Variants in NDRG4 observed in about 807,000 individuals in gnomAD.
NDRG4 encodes NDRG family member 4, also known as protein NDRG4.
A neutral mutation model predicts 55.8 loss-of-function variants in NDRG4; 38 were observed. The ratio of observed to expected loss-of-function variants is 0.68; its 90% CI spans 0.53 to 0.89. The LOEUF (loss-of-function observed/expected upper bound fraction) is 0.89, where lower values mean the gene tolerates loss of function less well. NDRG4 is among the 40% of genes least tolerant of loss of function. The pLI is 0.00. For missense variants in NDRG4, 455 were observed against 468.6 expected (o/e 0.97, Z 0.27); for synonymous variants, 190 against 182.7 (o/e 1.04, Z -0.32).
intron 1 of NDRG4, among the ~76,000 whole-genome samples, chr16:58,485,687 A>G (rs2035007037): frequency 6.6e-6 from 1 of 152,144 alleles, no homozygotes; most frequent in African/African-American, 2.4e-5. Flanking sequence ...CCTTTCTAAA[A>G]ATACAGCCCA....
intron 1 of NDRG4, among the ~76,000 whole-genome samples, chr16:58,483,110 C>T (rs915790429): frequency 6.6e-6 from 1 of 152,114 alleles, no homozygotes; most frequent in Non-Finnish European, 1.5e-5. Flanking sequence ...CAAACACCCC[C>T]ACCATCTCCT....
upstream of NDRG4, among the ~76,000 whole-genome samples, chr16:58,495,784 G>A (rs193074336): frequency 4.5e-3 from 686 of 152,350 alleles, 11 homozygotes; most frequent in African/African-American, 0.016. Context: ...GACGAGAGGG[G>A]AGACTTCAGG....
chr16:58,481,368 G>A (rs758474934), intron 1 of NDRG4, among the ~76,000 whole-genome samples: 3 of 152,170 alleles, frequency 2.0e-5, no homozygotes, highest in Admixed American at 6.5e-5. Flanking sequence ...GGGAGGATGC[G>A]CCTACTGAGT....
upstream of NDRG4, chr16:58,500,122 G>A (rs1402086700): frequency 6.5e-7 from 1 of 1,532,720 alleles, no homozygotes; most frequent in Non-Finnish European, 8.7e-7. Context: ...TGTATAAATG[G>A]CCCAGGAGCT....
intron 2 of NDRG4, 78 bp from the exon 3 acceptor site, chr16:58,504,076 C>A: frequency 6.2e-7 from 1 of 1,600,768 alleles, no homozygotes; most frequent in Admixed American, 1.7e-5. Flanking sequence ...TTCTGCCTTG[C>A]CTGCCCTCTG....
At chr16:58,468,216 C>T (rs1242831592) in intron 1 of NDRG4, among the ~76,000 whole-genome samples, 4 of 152,242 alleles carry the variant, frequency 2.6e-5, no homozygotes, top group East Asian at 1.9e-4. Context: ...CTGTTGGGGT[C>T]CTTCTGGAGG....
At chr16:58,467,637 A>T (rs1308205045) in intron 1 of NDRG4, among the ~76,000 whole-genome samples, 1 of 152,232 alleles carries the variant, frequency 6.6e-6, no homozygotes, top group Non-Finnish European at 1.5e-5. Context: ...CTGGATTCAG[A>T]ACCCAGCCCT....
intron 1 of NDRG4, among the ~76,000 whole-genome samples, chr16:58,476,089 G>A (rs999038064): frequency 6.6e-6 from 1 of 152,022 alleles, no homozygotes; most frequent in South Asian, 2.1e-4. Context: ...GAGCCACTGC[G>A]CCCAGCCATG....
rs376755308 is a variant in NDRG4, at chr16:58,465,990, G to C, written c.-24+2193G>C. Among the ~76,000 whole-genome samples the C allele has an allele frequency of 5.4e-4, 83 of 152,310 alleles. 1 individual carries two copies. In the South Asian group the frequency reaches 0.016, roughly 29 times the overall value. The stretch of plus-strand genomic sequence containing the variant: ...ACTGAACTTGTTAACCCCCTGGAGG[G>C]AAGGCTTGCGGTTCCATGGGTGTTT... On this transcript the variant is annotated intron_variant, in intron 1 of 15. Coordinates refer to the NDRG4 transcript ENST00000258187.
At chr16:58,503,589 T>C (rs1006365536) in intron 1 of NDRG4, 54 of 949,838 alleles carry the variant, frequency 5.7e-5, no homozygotes, top group Admixed American at 2.2e-4. Context: ...TGCAGATCAG[T>C]TCACATTGTC....
intron 1 of NDRG4, among the ~76,000 whole-genome samples, chr16:58,481,739 C>T (rs112917323): frequency 2.0e-5 from 3 of 152,228 alleles, no homozygotes; most frequent in African/African-American, 7.2e-5. Context: ...GTCAGTTGCT[C>T]CTTCCTGTGC....
chr16:58,506,181 C>A, intron 5 of NDRG4: 3 of 604,170 alleles, frequency 5.0e-6, no homozygotes, highest in Admixed American at 2.5e-5. Context: ...GGGGTGGAAA[C>A]AATGATAGAG....
chr16:58,476,548 A>G (rs934830392), intron 1 of NDRG4, among the ~76,000 whole-genome samples: 5 of 152,076 alleles, frequency 3.3e-5, no homozygotes, highest in Admixed American at 1.3e-4. Context: ...AACATCTCTA[A>G]GATTGGGATG....
At position 58,500,261 on chromosome 16, in the gene NDRG4, TG is replaced by T. The variant is rs1567331558; in HGVS notation, c.16del (p.Asp6MetfsTer15). Reference sequence around the variant, plus strand: ...CTCCCTCGGCAAGATGCCGGAGTGCTGGGATGGGGTGAGTGAGGGCGCTGCG... The same window carrying T: ...CTCCCTCGGCAAGATGCCGGAGTGCTGGATGGGGTGAGTGAGGGCGCTGCG... MPECWDGEHDIETPY... is the reference protein window; with the variant it reads MPECXDGEHDIETPY... On this transcript the variant is annotated frameshift_variant, in exon 1 of 15. Coordinates refer to ENST00000570248, the MANE Select transcript of NDRG4 (RefSeq NM_001242835.2). LOFTEE classifies it high-confidence loss of function. The T allele has an allele frequency of 6.5e-7, 1 of 1,535,948 alleles. No individual in the cohort carries two copies.
At position 58,464,274 on chromosome 16, in the gene NDRG4, G is replaced by C. The variant is rs1183963383; in HGVS notation, c.-24+477G>C. Reference sequence around the variant, plus strand: ...TTTTGGAGGGGGGAGCGCGGCGTTGGGGGCGGGAGAGCGCTCCTGGCTGTG... The same window carrying C: ...TTTTGGAGGGGGGAGCGCGGCGTTGCGGGCGGGAGAGCGCTCCTGGCTGTG... On this transcript the variant is annotated intron_variant, in intron 1 of 15. Transcript: ENST00000258187. The surrounding 1 kb of genome is among the most constrained non-coding windows in gnomAD (Gnocchi z 4.8). 4 of 514,516 alleles carry C rather than the reference G, an allele frequency of 7.8e-6. No homozygotes were observed. Among genetic ancestry groups the C allele is most frequent in the Non-Finnish European group, 1.2e-5 (4 of 324,958 alleles). The allele number at this position is 514,516 out of a possible 1,614,324, so 31.9% of individuals were successfully genotyped here. A position where few individuals can be genotyped will look rare whatever the true frequency, so the allele number is the denominator to read the frequency against.
At chr16:58,494,843 A>AAAAAAAG (rs1555532885) in intron 2 of NDRG4, 4 of 815,474 alleles carry the variant, frequency 4.9e-6, no homozygotes, top group South Asian at 3.7e-5. Flanking sequence ...AAAAAAAAAA[A>AAAAAAAG]AAAAGAAAAG....
rs13335464 is a variant in NDRG4, at chr16:58,494,163, C to T, written c.73-801C>T. ...CTGAGAGCACAGCTAGATGTGGTCC[C>T]GCCCTCGTGGTGCCCGCGGTCCGGT... is the stretch of plus-strand genomic sequence containing the variant. On this transcript the variant is annotated intron_variant, in intron 2 of 15. Transcript: ENST00000258187. Among the ~76,000 whole-genome samples, 447 of 152,294 alleles carry T rather than the reference C, an allele frequency of 2.9e-3. 2 individuals are homozygous for T. Among genetic ancestry groups the T allele is most frequent in the Middle Eastern group, 0.02 (6 of 294 alleles).
intron 4 of NDRG4, 55 bp from the exon 5 acceptor site, chr16:58,504,534 C>T: frequency 6.2e-7 from 1 of 1,612,558 alleles, no homozygotes; most frequent in Non-Finnish European, 8.5e-7. Flanking sequence ...CTCTGGATGA[C>T]ATGTATGGGA....
rs1254429204 is a variant in NDRG4 at position 58,503,834 on chromosome 16, G to T, written c.58G>T (p.Val20Leu). The T allele has an allele frequency of 1.2e-6, 2 of 1,613,984 alleles. No individual in the cohort carries two copies. Among genetic ancestry groups the T allele is most frequent in the Non-Finnish European group, 1.7e-6 (2 of 1,179,990 alleles). Residue 20 changes from valine (V) to leucine (L), a missense_variant, in exon 2 of 15, where the codon GTA becomes TTA. Coordinates refer to ENST00000570248, the MANE Select transcript of NDRG4 (RefSeq NM_001242835.2). Reference protein sequence around the residue: ...DIETPYGLLHVVIRGSPKGNR... With the variant: ...DIETPYGLLHLVIRGSPKGNR... Reference sequence around the variant, plus strand: ...CGAGACACCCTACGGCCTTCTGCATGTAGTGATCCGGGGCTCCCCCAAGGG... The same window carrying T: ...CGAGACACCCTACGGCCTTCTGCATTTAGTGATCCGGGGCTCCCCCAAGGG...
Sources: gnomAD v4.1 joint callset for allele counts (sites outside exome capture counted in the v4.1 genomes callset) on GRCh38, gnomAD v4.1.1 for gene constraint, Gnocchi (gnomAD v3.1) non-coding constraint, MANE v1.5 for transcripts, NCBI Gene and HGNC (gene_info 2026-07-23, HGNC 2026-07-21) for gene names.